FRMD6: variants seen among roughly 807,000 people sequenced by gnomAD.
The protein encoded by FRMD6 is FERM domain-containing protein 6.
Under a neutral mutation model 73.2 loss-of-function variants are expected in FRMD6, and 37 were observed. The ratio of observed to expected loss-of-function variants is 0.51; its 90% CI spans 0.39 to 0.66. The LOEUF (loss-of-function observed/expected upper bound fraction) is 0.66, where lower values mean the gene tolerates loss of function less well. Ranked by LOEUF, FRMD6 falls within the 30% of genes least tolerant of loss-of-function variation. The pLI is 0.00. For synonymous variants in FRMD6, 273 were observed against 282.2 expected, an observed-to-expected ratio of 0.97 and a Z score of 0.33; for missense variants, 714 against 780.5, an observed-to-expected ratio of 0.91 and a Z score of 1.02.
the FRMD6 span, among the ~76,000 whole-genome samples, chr14:51,416,742 T>G: frequency 1.3e-5 from 2 of 152,222 alleles, no homozygotes; most frequent in Non-Finnish European, 2.9e-5. Flanking sequence ...TGTCTAATAC[T>G]GACAGTGGGG....
At chr14:51,514,235 T>C (rs1314761996) in intron 1 of FRMD6, among the ~76,000 whole-genome samples, 1 of 152,054 alleles carries the variant, frequency 6.6e-6, no homozygotes, top group Non-Finnish European at 1.5e-5. Context: ...CAAAGTTCTC[T>C]CCTACCCCAG....
chr14:51,482,645 G>T, the FRMD6 span, among the ~76,000 whole-genome samples: 8 of 151,166 alleles, frequency 5.3e-5, no homozygotes, highest in African/African-American at 2.0e-4. Context: ...AAAGAGAGAG[G>T]TGCAATTGGA....
chr14:51,447,438 G>A, the FRMD6 span, among the ~76,000 whole-genome samples: 2 of 152,142 alleles, frequency 1.3e-5, no homozygotes, highest in African/African-American at 4.8e-5. Flanking sequence ...CCAGGAAGAC[G>A]TCGTACTTAT....
At chr14:51,415,026 G>T in the FRMD6 span, among the ~76,000 whole-genome samples, 1 of 152,194 alleles carries the variant, frequency 6.6e-6, no homozygotes, top group Non-Finnish European at 1.5e-5. Context: ...TGCTGAAGTT[G>T]CTTATCAGCT....
chr14:51,557,018 G>T (rs1334515138), intron 1 of FRMD6, among the ~76,000 whole-genome samples: 1 of 152,150 alleles, frequency 6.6e-6, no homozygotes, highest in Admixed American at 6.5e-5. Flanking sequence ...TGGGCATGGT[G>T]GTATGTGCCT....
chr14:51,426,078 C>T, the FRMD6 span, among the ~76,000 whole-genome samples: 25,366 of 152,048 alleles, frequency 0.17, 2,350 homozygotes, highest in Middle Eastern at 0.26. Context: ...AACATGGGCC[C>T]TCATTTTTGG....
At chr14:51,495,906 A>G (rs1424870372) in intron 1 of FRMD6, among the ~76,000 whole-genome samples, 1 of 152,212 alleles carries the variant, frequency 6.6e-6, no homozygotes, top group Non-Finnish European at 1.5e-5. Context: ...ATATTTATTT[A>G]TTGGTTTAGG....
chr14:51,500,025 C>T (rs759152046), intron 1 of FRMD6, among the ~76,000 whole-genome samples: 3 of 152,084 alleles, frequency 2.0e-5, no homozygotes, highest in Non-Finnish European at 4.4e-5. Context: ...TAGTTTAGCT[C>T]CTGCTACATC....
intron 1 of FRMD6, among the ~76,000 whole-genome samples, chr14:51,495,682 C>A (rs1309848888): frequency 6.6e-6 from 1 of 152,136 alleles, no homozygotes; most frequent in Non-Finnish European, 1.5e-5. Context: ...TGACACTGAG[C>A]CAGCTAACAG....
intron 2 of FRMD6, among the ~76,000 whole-genome samples, chr14:51,604,195 G>A (rs1890154114): frequency 6.6e-6 from 1 of 152,168 alleles, no homozygotes; most frequent in African/African-American, 2.4e-5. Context: ...GTGCAGGTCT[G>A]GGAGGAAAAT....
chr14:51,728,550 A>C lies in FRMD6; in HGVS notation c.*521A>C, dbSNP rs927094072. The C allele has an allele frequency of 6.3e-6, 1 of 159,100 alleles. No homozygotes were observed. The highest frequency in any genetic ancestry group is 2.4e-5 in the African/African-American group (1 of 41,470). 9.9% of individuals were successfully genotyped at this position (159,100 alleles called of 1,614,324 possible). A position where few individuals can be genotyped will look rare whatever the true frequency, so the allele number is the denominator to read the frequency against. On this transcript the variant is annotated 3_prime_UTR_variant, in exon 14 of 14. Transcript: ENST00000344768. ...TGAGGCTGTCCCAAAGTGAACACTGATGGAGTGGTCAAAATCATAAGGTTG... is the reference window on the plus strand; with the variant it reads ...TGAGGCTGTCCCAAAGTGAACACTGCTGGAGTGGTCAAAATCATAAGGTTG...
chr14:51,668,650 C>G (rs1356144229), intron 1 of FRMD6, among the ~76,000 whole-genome samples: 1 of 150,316 alleles, frequency 6.7e-6, no homozygotes, highest in Non-Finnish European at 1.5e-5. Context: ...GGCTGTGAAG[C>G]TCGAATGAAA....
At chr14:51,682,478 G>A (rs1468200328) in intron 1 of FRMD6, among the ~76,000 whole-genome samples, 1 of 152,046 alleles carries the variant, frequency 6.6e-6, no homozygotes, top group Non-Finnish European at 1.5e-5. Context: ...TGGATTATCT[G>A]TATTAGAGAG....
the FRMD6 span, among the ~76,000 whole-genome samples, chr14:51,461,382 G>C: frequency 2.6e-5 from 4 of 152,278 alleles, no homozygotes; most frequent in East Asian, 7.7e-4. Flanking sequence ...TTCCACCTCT[G>C]AAACCTTCCA....
At chr14:51,605,554 T>C (rs536786934) in intron 2 of FRMD6, among the ~76,000 whole-genome samples, 2 of 152,246 alleles carry the variant, frequency 1.3e-5, no homozygotes, top group East Asian at 3.9e-4. Context: ...CCCCAAAAGA[T>C]GTATGCTCTA....
At chr14:51,448,784 T>C in the FRMD6 span, among the ~76,000 whole-genome samples, 3 of 152,160 alleles carry the variant, frequency 2.0e-5, no homozygotes, top group Non-Finnish European at 4.4e-5. Flanking sequence ...ATCCCACTTA[T>C]GCAATAAAAC....
At chr14:51,498,297 CT>C (rs1453325434) in intron 1 of FRMD6, among the ~76,000 whole-genome samples, 1 of 152,166 alleles carries the variant, frequency 6.6e-6, no homozygotes, top group Non-Finnish European at 1.5e-5. Context: ...ATGGGTTTCC[CT>C]TTTTCCAGAC....
the FRMD6 span, among the ~76,000 whole-genome samples, chr14:51,439,467 T>G: frequency 1.3e-5 from 2 of 151,970 alleles, no homozygotes; most frequent in Non-Finnish European, 2.9e-5. Context: ...GGTACGTCAG[T>G]CTTTATTCTG....
intron 2 of FRMD6, among the ~76,000 whole-genome samples, chr14:51,644,490 T>C (rs1891974272): frequency 6.6e-6 from 1 of 152,178 alleles, no homozygotes; most frequent in South Asian, 2.1e-4. Flanking sequence ...TCTAGATGAA[T>C]GGGGCCATAG....
Sources: gnomAD v4.1 joint callset for allele counts (sites outside exome capture counted in the v4.1 genomes callset) on GRCh38, gnomAD v4.1.1 for gene constraint, MANE v1.5 for transcripts, NCBI Gene and HGNC (gene_info 2026-07-23, HGNC 2026-07-21) for gene names.